The following INTS15 variants were observed in gnomAD, a reference collection of about 807,000 sequenced individuals.
INTS15 encodes the protein integrator complex subunit 15.
the INTS15 span, chr7:6,591,671 A>G: frequency 6.2e-7 from 1 of 1,614,194 alleles, no homozygotes; most frequent in Non-Finnish European, 8.5e-7. Context: ...CAGGAGCTTC[A>G]ACTTCTTGAA....
At chr7:6,599,560 A>G in the INTS15 span, among the ~76,000 whole-genome samples, 1 of 152,224 alleles carries the variant, frequency 6.6e-6, no homozygotes, top group East Asian at 1.9e-4. Context: ...TTGGAGTTCC[A>G]GGGAATTGTA....
chr7:6,598,788 T>TGTGTGTGTGTGTGTGTGTG, the INTS15 span, among the ~76,000 whole-genome samples: 9 of 39,192 alleles, frequency 2.3e-4, no homozygotes, highest in African/African-American at 1.3e-3. Context: ...TGTGTGTGTA[T>TGTGTGTGTGTGTGTGTGTG]TTTTTTTTTT....
the INTS15 span, among the ~76,000 whole-genome samples, chr7:6,599,639 G>T: frequency 6.6e-6 from 1 of 152,194 alleles, no homozygotes; most frequent in Non-Finnish European, 1.5e-5. Flanking sequence ...CAGTGACTGA[G>T]ATGAGACTCC....
chr7:6,594,455 T>C, the INTS15 span: 1 of 1,614,082 alleles, frequency 6.2e-7, no homozygotes, highest in South Asian at 1.1e-5. Context: ...TGGTTTACTG[T>C]GTGAGGTTAG....
At chr7:6,608,630 T>C in the INTS15 span, 2 of 610,642 alleles carry the variant, frequency 3.3e-6, no homozygotes, top group Non-Finnish European at 4.1e-6. Flanking sequence ...AGGGAGGCTG[T>C]CAGGAATTCC....
chr7:6,600,300 G>A, the INTS15 span: 2 of 1,614,028 alleles, frequency 1.2e-6, no homozygotes, highest in East Asian at 2.2e-5. Context: ...TCGCTGGACC[G>A]GCTGGCGCAG....
the INTS15 span, chr7:6,608,266 C>T: frequency 6.8e-7 from 1 of 1,477,816 alleles, no homozygotes; most frequent in Non-Finnish European, 9.0e-7. Context: ...GTCGGGCAGC[C>T]CCTCCCCGCC....
chr7:6,606,557 G>T, the INTS15 span, among the ~76,000 whole-genome samples: 1 of 152,146 alleles, frequency 6.6e-6, no homozygotes, highest in Non-Finnish European at 1.5e-5. Flanking sequence ...CCCAGCCGGA[G>T]CAAGATCCTG....
chr7:6,598,897 C>T, the INTS15 span, among the ~76,000 whole-genome samples: 3 of 151,910 alleles, frequency 2.0e-5, no homozygotes, highest in Non-Finnish European at 4.4e-5. Flanking sequence ...AGTGATCCTC[C>T]TACCTCAGCC....
At chr7:6,601,904 G>A in the INTS15 span, among the ~76,000 whole-genome samples, 7 of 152,004 alleles carry the variant, frequency 4.6e-5, no homozygotes, top group East Asian at 1.9e-4. Flanking sequence ...TGATCCACCC[G>A]CCTCAGCCTC....
the INTS15 span, among the ~76,000 whole-genome samples, chr7:6,601,002 C>G: frequency 1.3e-5 from 2 of 152,142 alleles, no homozygotes; most frequent in Non-Finnish European, 2.9e-5. Context: ...GTTTCTCACT[C>G]TGTTGCCCAA....
At chr7:6,608,105 C>CCCCCCCCCCCCCCCCCCCCAAAAA in the INTS15 span, 1 of 1,564,034 alleles carries the variant, frequency 6.4e-7, no homozygotes, top group Non-Finnish European at 8.7e-7. Flanking sequence ...CCTGCCCACG[C>CCCCCCCCCCCCCCCCCCCCAAAAA]ATCCCGGCCA....
At chr7:6,608,607 T>C in the INTS15 span, 1 of 819,308 alleles carries the variant, frequency 1.2e-6, no homozygotes, top group Non-Finnish European at 1.5e-6. Context: ...CAAGCTTATG[T>C]GCAGCACTGC....
the INTS15 span, among the ~76,000 whole-genome samples, chr7:6,598,948 G>A: frequency 2.6e-5 from 4 of 151,922 alleles, no homozygotes; most frequent in Admixed American, 6.6e-5. Flanking sequence ...CACCACTGCC[G>A]GCTAACTTTT....
At chr7:6,599,616 C>T in the INTS15 span, among the ~76,000 whole-genome samples, 1 of 152,164 alleles carries the variant, frequency 6.6e-6, no homozygotes, top group African/African-American at 2.4e-5. Flanking sequence ...GGGTCCTGGG[C>T]ACTGGGATGT....
the INTS15 span, chr7:6,602,597 T>C: frequency 2.2e-6 from 1 of 450,510 alleles, no homozygotes; most frequent in Middle Eastern, 3.5e-4. Flanking sequence ...GGAAGTCTCT[T>C]GACCTGTCTC....
At chr7:6,595,487 G>A in the INTS15 span, among the ~76,000 whole-genome samples, 3 of 152,050 alleles carry the variant, frequency 2.0e-5, no homozygotes. Context: ...TTTAATTTAG[G>A]TTAAAAGCTA....
At chr7:6,608,169 C>T in the INTS15 span, 3 of 1,554,700 alleles carry the variant, frequency 1.9e-6, no homozygotes, top group Non-Finnish European at 1.7e-6. Context: ...TAGGCTGGCC[C>T]GTGTGTGCCT....
the INTS15 span, among the ~76,000 whole-genome samples, chr7:6,606,922 T>A: frequency 6.6e-6 from 1 of 152,242 alleles, no homozygotes; most frequent in South Asian, 2.1e-4. Flanking sequence ...TTGCTCCGTC[T>A]GGTCTTGAAC....
Sources: gnomAD v4.1 joint callset for allele counts (sites outside exome capture counted in the v4.1 genomes callset) on GRCh38, gnomAD v4.1.1 for gene constraint, MANE v1.5 for transcripts, NCBI Gene and HGNC (gene_info 2026-07-23, HGNC 2026-07-21) for gene names.